MAGI2: variants seen among roughly 807,000 people sequenced by gnomAD.
MAGI2 encodes membrane-associated guanylate kinase, WW and PDZ domain-containing protein 2.
In MAGI2, 35 loss-of-function variants were observed where a neutral mutation model predicts 133.3. The ratio of observed to expected loss-of-function variants is 0.26; its 90% CI spans 0.20 to 0.35. The LOEUF (loss-of-function observed/expected upper bound fraction) is 0.35. Among genes scored for constraint, MAGI2 ranks in the 10% least tolerant of loss-of-function variants. The pLI is 1.00. For synonymous variants in MAGI2, 729 were observed against 710.6 expected, an observed-to-expected ratio of 1.03 and a Z score of -0.41; for missense variants, 1,636 against 1,863.4, an observed-to-expected ratio of 0.88 and a Z score of 2.25.
At chr7:79,449,281 C>A (rs1241739125) in intron 1 of MAGI2, among the ~76,000 whole-genome samples, 1 of 151,534 alleles carries the variant, frequency 6.6e-6, no homozygotes, top group African/African-American at 2.4e-5. Context: ...GGAGGGAGAG[C>A]AATGTAGATC....
At position 78,662,686 on chromosome 7, in the gene MAGI2, A is replaced by G. The variant is rs978795649; in HGVS notation, c.419-35447T>C. Among the ~76,000 whole-genome samples, 14 of 152,288 alleles carry G rather than the reference A, an allele frequency of 9.2e-5. No homozygotes were observed. In the East Asian group the frequency reaches 2.5e-3, roughly 27 times the overall value. On this transcript the variant is annotated intron_variant, in intron 2 of 21. Coordinates refer to ENST00000354212, the MANE Select transcript of MAGI2 (RefSeq NM_012301.4). ...AGGCAAAGACAAAAAAGAAATGGGGAAAAATTAAGGTTTCATAAAATAAAA... is the reference window on the plus strand; with the variant it reads ...AGGCAAAGACAAAAAAGAAATGGGGGAAAATTAAGGTTTCATAAAATAAAA...
chr7:78,577,261 C>T (rs184226014), intron 3 of MAGI2, among the ~76,000 whole-genome samples: 5 of 152,052 alleles, frequency 3.3e-5, no homozygotes, highest in Admixed American at 3.3e-4. Flanking sequence ...AAAAGTAATT[C>T]TAAAGCATGG....
At chr7:79,433,010 G>A (rs1390900649) in intron 1 of MAGI2, among the ~76,000 whole-genome samples, 1 of 152,184 alleles carries the variant, frequency 6.6e-6, no homozygotes, top group Non-Finnish European at 1.5e-5. Flanking sequence ...AAATGGCAAA[G>A]AAACAGACCA....
At chr7:78,264,517 G>A (rs956992737) in intron 9 of MAGI2, among the ~76,000 whole-genome samples, 1 of 152,138 alleles carries the variant, frequency 6.6e-6, no homozygotes, top group African/African-American at 2.4e-5. Flanking sequence ...ATTGCAAACA[G>A]GGGAATCGGG....
At chr7:78,170,411 C>T (rs946477002) in intron 14 of MAGI2, 12 of 152,158 alleles carry the variant, frequency 7.9e-5, no homozygotes, top group African/African-American at 2.7e-4. Flanking sequence ...AAAAGATCTG[C>T]TTTTCTACCA....
At chr7:79,001,062 G>A (rs1295219512) in intron 2 of MAGI2, among the ~76,000 whole-genome samples, 3 of 152,096 alleles carry the variant, frequency 2.0e-5, no homozygotes, top group Non-Finnish European at 2.9e-5. Flanking sequence ...GACTGCAGGT[G>A]CACACCACCA....
At chr7:78,124,481 A>G (rs1275803008) in intron 20 of MAGI2, among the ~76,000 whole-genome samples, 1 of 152,148 alleles carries the variant, frequency 6.6e-6, no homozygotes, top group Non-Finnish European at 1.5e-5. Context: ...ACTGTGGATA[A>G]TCCTCTGACT....
chr7:78,995,133 C>A (rs1303653070), intron 2 of MAGI2, among the ~76,000 whole-genome samples: 1 of 151,736 alleles, frequency 6.6e-6, no homozygotes, highest in Non-Finnish European at 1.5e-5. Flanking sequence ...TTGTCTTGGG[C>A]CACACTTAAA....
At chr7:78,715,720 A>C (rs1008651638) in intron 2 of MAGI2, among the ~76,000 whole-genome samples, 1 of 152,218 alleles carries the variant, frequency 6.6e-6, no homozygotes, top group African/African-American at 2.4e-5. Flanking sequence ...TTCATGGTTA[A>C]TCTTTAGATA....
chr7:79,215,644 C>T (rs939292754), intron 1 of MAGI2, among the ~76,000 whole-genome samples: 1 of 151,972 alleles, frequency 6.6e-6, no homozygotes, highest in African/African-American at 2.4e-5. Context: ...TTCCACCTCC[C>T]TGACCCCCTC....
At chr7:79,208,687 C>T (rs1829261161) in intron 1 of MAGI2, among the ~76,000 whole-genome samples, 1 of 151,898 alleles carries the variant, frequency 6.6e-6, no homozygotes, top group Non-Finnish European at 1.5e-5. Context: ...GGGTACATAT[C>T]AAAAGGAAAT....
intron 7 of MAGI2, among the ~76,000 whole-genome samples, chr7:78,351,351 A>G (rs1019421932): frequency 2.6e-5 from 4 of 152,122 alleles, no homozygotes; most frequent in African/African-American, 4.8e-5. Context: ...TACTAAAAGT[A>G]TAAAAATTAG....
Position 79,394,915 on chromosome 7 carries a change from G to T in MAGI2, c.301+58105C>A, listed in dbSNP as rs924426988. ...AAATTCTTTCAGACTATAAATATCA[G>T]TCCTTTGAAGAACAAATGTGCTCTG... On this transcript the variant is annotated intron_variant, in intron 1 of 21. Coordinates refer to ENST00000354212, the MANE Select transcript of MAGI2 (RefSeq NM_012301.4). 2.2e-4 allele frequency among the ~76,000 whole-genome samples: 34 copies of T among 152,142 alleles called. 1 individual carries two copies. The highest frequency in any genetic ancestry group is 8.8e-5 in the Non-Finnish European group (6 of 68,024).
At chr7:78,739,770 G>A (rs1240211544) in intron 2 of MAGI2, among the ~76,000 whole-genome samples, 3 of 151,998 alleles carry the variant, frequency 2.0e-5, no homozygotes, top group Non-Finnish European at 4.4e-5. Flanking sequence ...TTTAATAGGC[G>A]CCGCAAATCA....
chr7:78,367,849 T>C (rs1357433491), intron 7 of MAGI2, among the ~76,000 whole-genome samples: 1 of 152,208 alleles, frequency 6.6e-6, no homozygotes, highest in East Asian at 1.9e-4. Flanking sequence ...TTAAAACATG[T>C]AGGTACTTTA....
At chr7:78,237,919 TTTAC>T (rs1241191962) in intron 10 of MAGI2, among the ~76,000 whole-genome samples, 5 of 152,142 alleles carry the variant, frequency 3.3e-5, no homozygotes, top group African/African-American at 9.7e-5. Flanking sequence ...AAAAATTGAG[TTTAC>T]TTACAACTGA....
chr7:79,448,965 A>G (rs1463426547), intron 1 of MAGI2, among the ~76,000 whole-genome samples: 1 of 152,114 alleles, frequency 6.6e-6, no homozygotes, highest in Non-Finnish European at 1.5e-5. Flanking sequence ...CCCCAAGAGA[A>G]CCGTCTCATT....
Position 79,217,972 on chromosome 7 carries a change from G to A in MAGI2, c.302-210766C>T, listed in dbSNP as rs187824874. ...AAGCTTTACTGTGAACAACATGCAC[G>A]AATATTAGGCTTTTGATTTGAAAAA... On this transcript the variant is annotated intron_variant, in intron 1 of 21. Transcript: ENST00000354212. Among the ~76,000 whole-genome samples, 569 of 151,952 alleles carry A rather than the reference G, an allele frequency of 3.7e-3. 6 individuals are homozygous for A. The highest frequency in any genetic ancestry group is 0.021 in the Admixed American group (323 of 15,264).
chr7:78,695,294 T>C (rs533598225), intron 2 of MAGI2, among the ~76,000 whole-genome samples: 14 of 152,318 alleles, frequency 9.2e-5, no homozygotes, highest in Non-Finnish European at 1.9e-4. Flanking sequence ...AGAACACATA[T>C]GCAAATAATC....
Sources: gnomAD v4.1 joint callset for allele counts (sites outside exome capture counted in the v4.1 genomes callset) on GRCh38, gnomAD v4.1.1 for gene constraint, MANE v1.5 for transcripts, NCBI Gene and HGNC (gene_info 2026-07-23, HGNC 2026-07-21) for gene names.